LIMS1: variants seen among roughly 807,000 people sequenced by gnomAD.
LIMS1 encodes LIM zinc finger domain containing 1.
In LIMS1, 18 loss-of-function variants were observed where a neutral mutation model predicts 44.1. The observed-to-expected ratio is 0.41, with a 90% CI of 0.28 to 0.61. LIMS1 has a LOEUF of 0.61. Among genes scored for constraint, LIMS1 ranks in the 20% least tolerant of loss-of-function variants. The pLI is 0.32. For missense variants in LIMS1, 201 were observed against 422.0 expected, an observed-to-expected ratio of 0.48 and a Z score of 4.59; for synonymous variants, 93 against 149.1, an observed-to-expected ratio of 0.62 and a Z score of 2.74.
At chr2:108,582,897 G>C (rs1425861024) in intron 1 of LIMS1, among the ~76,000 whole-genome samples, 1 of 152,100 alleles carries the variant, frequency 6.6e-6, no homozygotes, top group Non-Finnish European at 1.5e-5. Context: ...TGGACTTTAT[G>C]CTTTATTTTC....
intron 1 of LIMS1, among the ~76,000 whole-genome samples, chr2:108,623,813 T>G (rs1294926130): frequency 6.6e-6 from 1 of 152,224 alleles, no homozygotes; most frequent in Non-Finnish European, 1.5e-5. Flanking sequence ...CAGAAAAACT[T>G]TCAGAGACTA....
chr2:108,621,895 A>G (rs192905189), intron 1 of LIMS1, among the ~76,000 whole-genome samples: 4 of 152,250 alleles, frequency 2.6e-5, no homozygotes, highest in African/African-American at 9.6e-5. Flanking sequence ...TGTTACTGAA[A>G]TGGTGTAACA....
At chr2:108,613,299 T>C (rs756365186) in intron 1 of LIMS1, among the ~76,000 whole-genome samples, 14 of 152,172 alleles carry the variant, frequency 9.2e-5, no homozygotes, top group Non-Finnish European at 1.9e-4. Context: ...GTCTTTATTA[T>C]TAGAGTCAAA....
At chr2:108,678,099 G>T in intron 8 of LIMS1, 72 bp downstream of exon 8, 1 of 1,605,194 alleles carries the variant, frequency 6.2e-7, no homozygotes, top group Non-Finnish European at 8.5e-7. Flanking sequence ...GGAAATTCAG[G>T]TTGGTGATTG....
intron 1 of LIMS1, among the ~76,000 whole-genome samples, chr2:108,564,242 A>T (rs530428036): frequency 6.6e-6 from 1 of 152,258 alleles, no homozygotes; most frequent in East Asian, 1.9e-4. Flanking sequence ...GCAATAAAGT[A>T]TTTTAAAATT....
intron 1 of LIMS1, among the ~76,000 whole-genome samples, chr2:108,552,038 T>G (rs1684759651): frequency 1.4e-5 from 2 of 145,562 alleles, no homozygotes; most frequent in Admixed American, 7.0e-5. Flanking sequence ...TTGTGAGAAG[T>G]ACAGAGGTCT....
At chr2:108,644,487 C>T (rs1039018846) in intron 1 of LIMS1, among the ~76,000 whole-genome samples, 4 of 152,084 alleles carry the variant, frequency 2.6e-5, no homozygotes, top group South Asian at 4.1e-4. Context: ...AGACCCCATC[C>T]GAAGGTCACC....
At chr2:108,663,071 A>G (rs1166365708) in intron 2 of LIMS1, among the ~76,000 whole-genome samples, 1 of 152,226 alleles carries the variant, frequency 6.6e-6, no homozygotes, top group African/African-American at 2.4e-5. Flanking sequence ...ATATCTGAAG[A>G]AATGAGCACC....
intron 1 of LIMS1, among the ~76,000 whole-genome samples, chr2:108,647,677 C>T (rs148445903): frequency 0.017 from 2,557 of 152,266 alleles, 42 homozygotes; most frequent in African/African-American, 0.035. Context: ...AATCAATAAA[C>T]GTAATCCATC....
At chr2:108,620,533 A>G (rs1488608205) in intron 1 of LIMS1, among the ~76,000 whole-genome samples, 4 of 152,138 alleles carry the variant, frequency 2.6e-5, no homozygotes, top group African/African-American at 7.2e-5. Context: ...ACACATCCCC[A>G]CACCCAAAAC....
chr2:108,645,780 A>G (rs1690021363), intron 1 of LIMS1, among the ~76,000 whole-genome samples: 1 of 152,086 alleles, frequency 6.6e-6, no homozygotes, highest in Non-Finnish European at 1.5e-5. Flanking sequence ...ATAGGCTCAA[A>G]ATAAAAGGAT....
intron 3 of LIMS1, among the ~76,000 whole-genome samples, chr2:108,672,027 C>T (rs968490757): frequency 1.3e-5 from 2 of 151,954 alleles, no homozygotes; most frequent in African/African-American, 2.4e-5. Context: ...AATAGCCGGG[C>T]GTGGTGGCAG....
chr2:108,678,105 G>C (rs1001790655), intron 8 of LIMS1, 78 bp downstream of exon 8: 122 of 1,603,176 alleles, frequency 7.6e-5, no homozygotes, highest in Non-Finnish European at 1.0e-4. Context: ...TCAGGTTGGT[G>C]ATTGTATGGT....
At chr2:108,622,809 T>G (rs540146386) in intron 1 of LIMS1, among the ~76,000 whole-genome samples, 1 of 152,188 alleles carries the variant, frequency 6.6e-6, no homozygotes, top group African/African-American at 2.4e-5. Context: ...GATTTCGGGG[T>G]TTGGAGGAAT....
intron 1 of LIMS1, among the ~76,000 whole-genome samples, chr2:108,590,720 T>C (rs1686341017): frequency 6.6e-6 from 1 of 152,206 alleles, no homozygotes; most frequent in Admixed American, 6.5e-5. Context: ...TGCAGGTCAG[T>C]GTTACTTCTC....
chr2:108,552,945 A>G (rs1484297400), intron 1 of LIMS1, among the ~76,000 whole-genome samples: 3 of 152,114 alleles, frequency 2.0e-5, no homozygotes, highest in African/African-American at 7.2e-5. Context: ...TAGATTGGGG[A>G]AAATGAAGGA....
chr2:108,580,259 G>GT (rs1340841829), intron 1 of LIMS1, among the ~76,000 whole-genome samples: 2 of 152,150 alleles, frequency 1.3e-5, no homozygotes, highest in Non-Finnish European at 2.9e-5. Flanking sequence ...TAACTGCAGG[G>GT]TGTTAGTCTC....
intron 1 of LIMS1, among the ~76,000 whole-genome samples, chr2:108,596,637 A>G (rs1275059063): frequency 1.3e-5 from 2 of 152,302 alleles, no homozygotes; most frequent in African/African-American, 2.4e-5. Flanking sequence ...CAGCCTGATC[A>G]ACATGGAGAA....
At chr2:108,607,162 A>G in intron 1 of LIMS1, 1 of 1,536,500 alleles carries the variant, frequency 6.5e-7, no homozygotes, top group Non-Finnish European at 8.8e-7. Flanking sequence ...CCTGCATGTG[A>G]GGACACAGTG....
Sources: gnomAD v4.1 joint callset for allele counts (sites outside exome capture counted in the v4.1 genomes callset) on GRCh38, gnomAD v4.1.1 for gene constraint, MANE v1.5 for transcripts, NCBI Gene and HGNC (gene_info 2026-07-23, HGNC 2026-07-21) for gene names.